RIN3: variants seen among roughly 807,000 people sequenced by gnomAD.
RIN3 encodes the protein RAB5 interacting protein 3.
Under a neutral mutation model 76.3 loss-of-function variants are expected in RIN3, and 54 were observed. The ratio of observed to expected loss-of-function variants is 0.71; its 90% confidence interval spans 0.57 to 0.89. RIN3 has a LOEUF of 0.89. Among genes scored for constraint, RIN3 ranks in the 40% least tolerant of loss-of-function variants. RIN3 has a pLI of 0.00. For synonymous variants in RIN3, 576 were observed against 564.0 expected, an observed-to-expected ratio of 1.02 and a Z score of -0.30; for missense variants, 1,256 against 1,322.1, an observed-to-expected ratio of 0.95 and a Z score of 0.78.
intron 3 of RIN3, among the ~76,000 whole-genome samples, chr14:92,602,687 C>T (rs1404423694): frequency 1.2e-4 from 18 of 152,260 alleles, no homozygotes; most frequent in Non-Finnish European, 2.9e-5. Flanking sequence ...TCAGGAGGCT[C>T]GAATTTACGC....
Position 92,651,966 on chromosome 14 carries a change from C to T in RIN3, c.917C>T (p.Ala306Val). The T allele has an allele frequency of 6.5e-7, 1 of 1,529,662 alleles. No individual in the cohort carries two copies. Among genetic ancestry groups the T allele is most frequent in the Admixed American group, 1.8e-5 (1 of 54,416 alleles). 94.8% of individuals were successfully genotyped at this position (1,529,662 alleles called of 1,614,324 possible). ...QPPVLPALAP[A>V]PACPLPTSPP... ...CCTGTGCTCCCTGCTCTTGCCCCCG[C>T]CCCTGCCTGTCCTTTGCCCACCTCT... Residue 306 changes from alanine to valine, a missense_variant, in exon 6 of 10, where the codon GCC (alanine) becomes GTC (valine). Transcript: ENST00000216487.
At chr14:92,631,500 G>A (rs117503886) in intron 4 of RIN3, among the ~76,000 whole-genome samples, 2,648 of 152,290 alleles carry the variant, frequency 0.017, 42 homozygotes, top group Non-Finnish European at 0.026. Context: ...AGACCTGGCT[G>A]GGTCCCACAG....
chr14:92,659,372 C>T lies in RIN3; in HGVS notation c.2238C>T (p.Phe746=). The change falls in exon 7 of 10, where the codon TTC becomes TTT. Residue 746 remains phenylalanine, a synonymous_variant. Coordinates refer to ENST00000216487, the MANE Select transcript of RIN3 (RefSeq NM_024832.5). The part of the protein sequence containing the change: ...VPMMEKILQK[F]TSMHKAYSPE... ...TGATGGAGAAGATCCTGCAGAAGTT[C>T]ACCAGCATGCACAAGGCCTACTCAC... 1 of 1,613,138 alleles carries T rather than the reference C, an allele frequency of 6.2e-7. No individual in the cohort carries two copies. Among genetic ancestry groups the T allele is most frequent in the Non-Finnish European group, 8.5e-7 (1 of 1,179,444 alleles).
intron 7 of RIN3, among the ~76,000 whole-genome samples, chr14:92,662,398 G>C (rs764550038): frequency 8.5e-5 from 13 of 152,368 alleles, no homozygotes; most frequent in Admixed American, 2.6e-4. Context: ...GGGGGATCAT[G>C]GAAGAGCAAG....
intron 1 of RIN3, among the ~76,000 whole-genome samples, chr14:92,530,116 T>C (rs1399330801): frequency 6.6e-6 from 1 of 152,190 alleles, no homozygotes; most frequent in African/African-American, 2.4e-5. Flanking sequence ...ATCTTCCTCG[T>C]GTAGATAAAT....
chr14:92,602,471 C>A (rs1053595804), intron 3 of RIN3, among the ~76,000 whole-genome samples: 1 of 152,180 alleles, frequency 6.6e-6, no homozygotes, highest in Non-Finnish European at 1.5e-5. Context: ...TACTGGCTGG[C>A]GGGCCATGGT....
intron 3 of RIN3, chr14:92,586,439 G>GTTTTCAGCATTCCCC (rs1884780665): frequency 6.6e-6 from 1 of 152,082 alleles, no homozygotes; most frequent in African/African-American, 2.4e-5. Flanking sequence ...ATTTCTTTCT[G>GTTTTCAGCATTCCCC]TTTTCAGCAT....
At chr14:92,678,194 C>A (rs1888538462) in intron 8 of RIN3, among the ~76,000 whole-genome samples, 1 of 149,472 alleles carries the variant, frequency 6.7e-6, no homozygotes, top group South Asian at 2.1e-4. Context: ...ACCCATCCAT[C>A]CATCCATCCA....
chr14:92,688,128 G>A lies in RIN3; in HGVS notation c.2834G>A (p.Gly945Asp). Residue 945 changes from glycine (G) to aspartate (D), a missense_variant, in exon 10 of 10, where the codon GGC (glycine) becomes GAC (aspartate). Physicochemically the swap from Gly to Asp is moderately conservative, Grantham distance 94. This residue lies in a region of RIN3 where 218 missense variants were observed against 174.5 expected (regional missense o/e 1.25). Coordinates refer to ENST00000216487, the MANE Select transcript of RIN3 (RefSeq NM_024832.5). ...GACGCGCTGCCGCACTGCATCAAGG[G>A]CTACCTGCTGCGCAGCGAGCCCAAG... The part of the protein sequence containing the change: ...ADDALPHCIK[G>D]YLLRSEPKRD... The A allele has an allele frequency of 1.9e-6, 3 of 1,609,884 alleles. No individual in the cohort carries two copies. The highest frequency in any genetic ancestry group is 1.1e-5 in the South Asian group (1 of 90,860).
intron 8 of RIN3, among the ~76,000 whole-genome samples, chr14:92,678,841 T>C (rs1888568165): frequency 6.6e-6 from 1 of 152,210 alleles, no homozygotes; most frequent in African/African-American, 2.4e-5. Context: ...TTCTACCTCA[T>C]CAGGACTTTG....
At chr14:92,641,551 C>T (rs968063974) in intron 5 of RIN3, among the ~76,000 whole-genome samples, 9 of 152,338 alleles carry the variant, frequency 5.9e-5, no homozygotes, top group East Asian at 1.9e-4. Context: ...GGCCCAGCCA[C>T]GTTTGGTCTA....
Position 92,665,479 on chromosome 14 carries a change from C to T in RIN3, c.2335+6010C>T, listed in dbSNP as rs901200099. 4.1e-5 allele frequency among the ~76,000 whole-genome samples: 6 copies of T among 145,840 alleles called. No individual in the cohort carries two copies. In the East Asian group the frequency reaches 8.3e-4, roughly 20 times the overall value. On this transcript the variant is annotated intron_variant, in intron 7 of 9. Coordinates refer to ENST00000216487, the MANE Select transcript of RIN3 (RefSeq NM_024832.5). Reference sequence around the variant, plus strand: ...CTGCAAGCTCCTCCTCCCGGGGTCACGTTATTCTCTTGCCTCAGCCTCCTG... The same window carrying T: ...CTGCAAGCTCCTCCTCCCGGGGTCATGTTATTCTCTTGCCTCAGCCTCCTG...
At chr14:92,565,248 C>T (rs967489717) in intron 2 of RIN3, among the ~76,000 whole-genome samples, 5 of 152,114 alleles carry the variant, frequency 3.3e-5, no homozygotes, top group Admixed American at 1.3e-4. Flanking sequence ...CATCCATGAA[C>T]ACTGACATCA....
At chr14:92,609,013 A>G (rs745840573) in intron 3 of RIN3, among the ~76,000 whole-genome samples, 10 of 152,042 alleles carry the variant, frequency 6.6e-5, no homozygotes, top group Non-Finnish European at 1.5e-5. Flanking sequence ...TCTACTCAAC[A>G]TGTAGTCTTT....
At chr14:92,563,653 C>A (rs986376841) in intron 2 of RIN3, among the ~76,000 whole-genome samples, 2 of 152,152 alleles carry the variant, frequency 1.3e-5, no homozygotes, top group African/African-American at 4.8e-5. Flanking sequence ...GTCTTGGCCT[C>A]ACCCTCAGAA....
At chr14:92,665,361 C>T (rs1269210514) in intron 7 of RIN3, among the ~76,000 whole-genome samples, 2 of 149,084 alleles carry the variant, frequency 1.3e-5, no homozygotes, top group Non-Finnish European at 3.0e-5. Flanking sequence ...ATTTCCACAG[C>T]CTTTGTCTCT....
chr14:92,585,491 AT>A (rs1884737873), intron 3 of RIN3, among the ~76,000 whole-genome samples: 2 of 152,150 alleles, frequency 1.3e-5, no homozygotes, highest in South Asian at 4.1e-4. Context: ...GGTTCACTAC[AT>A]TTGCCCATGA....
At chr14:92,603,175 G>C (rs1885405544) in intron 3 of RIN3, among the ~76,000 whole-genome samples, 1 of 152,194 alleles carries the variant, frequency 6.6e-6, no homozygotes, top group Non-Finnish European at 1.5e-5. Context: ...CCTTACAGAG[G>C]GAGACTCAGG....
At chr14:92,555,993 C>T (rs1897568430) in intron 2 of RIN3, 38 bp downstream of exon 2, 3 of 1,573,444 alleles carry the variant, frequency 1.9e-6, no homozygotes, top group South Asian at 1.1e-5. Context: ...GGCACACACA[C>T]CTGTGAGGAA....
Sources: allele counts gnomAD v4.1 joint callset (sites outside exome capture counted in the v4.1 genomes callset), GRCh38; gene constraint gnomAD v4.1.1; regional missense constraint gnomAD v4.1.1; transcripts MANE v1.5; gene names NCBI Gene and HGNC (gene_info 2026-07-23, HGNC 2026-07-21).